The following CHRM2 variants were observed in gnomAD, a reference collection of about 807,000 sequenced individuals.
CHRM2 encodes the protein muscarinic acetylcholine receptor M2.
A neutral mutation model predicts 25.0 loss-of-function variants in CHRM2; 8 were observed. The observed-to-expected ratio is 0.32, with a 90% CI of 0.19 to 0.58. CHRM2 has a LOEUF of 0.58. CHRM2 is among the 20% of genes least tolerant of loss of function. The pLI is 0.88. For synonymous variants in CHRM2, 202 were observed against 205.7 expected (o/e 0.98, Z 0.15); for missense variants, 440 against 567.1 (o/e 0.78, Z 2.28).
chr7:136,972,042 T>C (rs2130934217), intron 2 of CHRM2, among the ~76,000 whole-genome samples: 1 of 152,318 alleles, frequency 6.6e-6, no homozygotes, highest in African/African-American at 2.4e-5. Flanking sequence ...GACTGTCTTG[T>C]TACTGATTGA....
intron 2 of CHRM2, among the ~76,000 whole-genome samples, chr7:136,978,117 T>C (rs1471235052): frequency 2.0e-5 from 3 of 152,218 alleles, no homozygotes; most frequent in Admixed American, 2.0e-4. Flanking sequence ...TTGGGTACTA[T>C]AGGGTCACTA....
chr7:136,886,003 A>G (rs947203767), intron 2 of CHRM2, among the ~76,000 whole-genome samples: 2 of 152,196 alleles, frequency 1.3e-5, no homozygotes, highest in Non-Finnish European at 2.9e-5. Flanking sequence ...AGGCCAGACT[A>G]TGAAAGAGTC....
chr7:137,003,040 C>T (rs1308549869), intron 3 of CHRM2, among the ~76,000 whole-genome samples: 4 of 152,118 alleles, frequency 2.6e-5, no homozygotes, highest in Non-Finnish European at 4.4e-5. Context: ...GAGAAAATAA[C>T]AGAGATAGGC....
chr7:136,953,836 T>C (rs1800560640), intron 2 of CHRM2, among the ~76,000 whole-genome samples: 2 of 152,082 alleles, frequency 1.3e-5, no homozygotes. Flanking sequence ...ACCCCACTTG[T>C]CCTCAGAGAA....
At chr7:136,996,801 C>T (rs2131042555) in intron 3 of CHRM2, among the ~76,000 whole-genome samples, 1 of 152,256 alleles carries the variant, frequency 6.6e-6, no homozygotes, top group Non-Finnish European at 1.5e-5. Context: ...TATTTGAAAA[C>T]GTTATTACCC....
intron 3 of CHRM2, among the ~76,000 whole-genome samples, chr7:136,996,839 T>C (rs1803636739): frequency 6.6e-6 from 1 of 152,240 alleles, no homozygotes. Context: ...TCATAGAGTG[T>C]GAGCCTACAG....
At chr7:136,989,034 T>C (rs1302484043) in intron 2 of CHRM2, among the ~76,000 whole-genome samples, 1 of 152,062 alleles carries the variant, frequency 6.6e-6, no homozygotes, top group African/African-American at 2.4e-5. Context: ...CCTCATTTTA[T>C]AAAAGAGGAA....
intron 2 of CHRM2, among the ~76,000 whole-genome samples, chr7:136,946,057 G>T (rs1800055215): frequency 6.6e-6 from 1 of 152,040 alleles, no homozygotes; most frequent in African/African-American, 2.4e-5. Context: ...TTTGCTCCTA[G>T]CTAAATTCAC....
chr7:136,949,935 A>G (rs1320248063), intron 2 of CHRM2, among the ~76,000 whole-genome samples: 1 of 152,106 alleles, frequency 6.6e-6, no homozygotes, highest in Non-Finnish European at 1.5e-5. Flanking sequence ...ATGAGATAAG[A>G]CCAAACTGTT....
At chr7:136,939,249 C>G (rs976007468) in intron 2 of CHRM2, among the ~76,000 whole-genome samples, 1 of 152,162 alleles carries the variant, frequency 6.6e-6, no homozygotes, top group African/African-American at 2.4e-5. Flanking sequence ...GAAATAATTA[C>G]TATTTTATGT....
At chr7:136,965,407 C>A (rs1801350804) in intron 2 of CHRM2, among the ~76,000 whole-genome samples, 1 of 151,974 alleles carries the variant, frequency 6.6e-6, no homozygotes, top group African/African-American at 2.4e-5. Context: ...TTCTCATGGA[C>A]AAGAGCAAAT....
intron 2 of CHRM2, among the ~76,000 whole-genome samples, chr7:136,971,485 C>T (rs1304272797): frequency 6.6e-6 from 1 of 151,764 alleles, no homozygotes; most frequent in South Asian, 2.1e-4. Flanking sequence ...GGTGTGGTGG[C>T]GGGTGCCTGT....
intron 3 of CHRM2, among the ~76,000 whole-genome samples, chr7:137,013,538 T>C (rs1584925338): frequency 6.6e-6 from 1 of 151,956 alleles, no homozygotes; most frequent in Non-Finnish European, 1.5e-5. Context: ...GAGGTGGAAC[T>C]TGGGCTAGTT....
chr7:136,870,188 A>G (rs923177071), intron 2 of CHRM2: 1 of 152,252 alleles, frequency 6.6e-6, no homozygotes, highest in African/African-American at 2.4e-5. Context: ...CTAACTCACA[A>G]TGGGTCCTGA....
chr7:137,010,882 A>G (rs1804759826), intron 3 of CHRM2, among the ~76,000 whole-genome samples: 1 of 151,900 alleles, frequency 6.6e-6, no homozygotes, highest in South Asian at 2.1e-4. Context: ...ACGTTACTGG[A>G]TAGAGTATAA....
intron 2 of CHRM2, among the ~76,000 whole-genome samples, chr7:136,922,283 C>T (rs935360316): frequency 6.6e-6 from 1 of 152,218 alleles, no homozygotes; most frequent in African/African-American, 2.4e-5. Context: ...TTTGCATTTG[C>T]TCTGGCACTA....
chr7:136,956,578 A>G (rs1800737150), intron 2 of CHRM2, among the ~76,000 whole-genome samples: 1 of 152,114 alleles, frequency 6.6e-6, no homozygotes, highest in Non-Finnish European at 1.5e-5. Flanking sequence ...GGAAGCCTCT[A>G]CCCACATTTC....
At chr7:136,983,392 G>A (rs1464020652) in intron 2 of CHRM2, among the ~76,000 whole-genome samples, 3 of 152,098 alleles carry the variant, frequency 2.0e-5, no homozygotes, top group Admixed American at 6.5e-5. Context: ...CCTTTAGCTT[G>A]GAGGACTTTG....
At chr7:137,014,349 TAACTATAA>T (rs1253338285) in intron 3 of CHRM2, among the ~76,000 whole-genome samples, 2 of 152,028 alleles carry the variant, frequency 1.3e-5, no homozygotes, top group Admixed American at 6.6e-5. Flanking sequence ...AAGGCACTGT[TAACTATAA>T]AAGTCACACA....
Sources: gnomAD v4.1 joint callset for allele counts (sites outside exome capture counted in the v4.1 genomes callset) on GRCh38, gnomAD v4.1.1 for gene constraint, MANE v1.5 for transcripts, NCBI Gene and HGNC (gene_info 2026-07-23, HGNC 2026-07-21) for gene names.